CCDC12: variants seen among roughly 807,000 people sequenced by gnomAD.
CCDC12 encodes the protein coiled-coil domain-containing protein 12.
CCDC12 carries 28 observed loss-of-function variants against 25.7 expected under a neutral mutation model. That is an observed-to-expected ratio of 1.09 (90% CI 0.81 to 1.50). The LOEUF (loss-of-function observed/expected upper bound fraction) is 1.50, where lower values mean the gene tolerates loss of function less well. Ranked by LOEUF, CCDC12 falls within the 40% of genes most tolerant of loss-of-function variation. CCDC12 has a pLI of 0.00. For missense variants in CCDC12, 198 were observed against 210.0 expected, an observed-to-expected ratio of 0.94 and a Z score of 0.35; for synonymous variants, 75 against 87.7, an observed-to-expected ratio of 0.86 and a Z score of 0.81.
chr3:46,974,495 G>A (rs1459060853), intron 1 of CCDC12, among the ~76,000 whole-genome samples: 2 of 152,124 alleles, frequency 1.3e-5, no homozygotes, highest in Admixed American at 6.5e-5. Context: ...CTAAATCCAA[G>A]CGAACAGCTC....
intron 2 of CCDC12, among the ~76,000 whole-genome samples, chr3:46,938,211 G>C (rs1257685833): frequency 6.6e-6 from 1 of 152,086 alleles, no homozygotes; most frequent in Non-Finnish European, 1.5e-5. Flanking sequence ...ACAAAACAGG[G>C]CCCTGCACCT....
chr3:46,965,655 T>C (rs2034615608), intron 1 of CCDC12, among the ~76,000 whole-genome samples: 1 of 152,192 alleles, frequency 6.6e-6, no homozygotes, highest in Admixed American at 6.5e-5. Context: ...GCACCAATTC[T>C]ATCCCAGAGG....
chr3:46,981,984 G>C (rs943362127), exon 1 of CCDC12: 2 of 152,358 alleles, frequency 1.3e-5, no homozygotes, highest in African/African-American at 4.8e-5. Flanking sequence ...TTGGAAGCCT[G>C]AGCAGACAGT....
At chr3:46,976,456 T>C in intron 1 of CCDC12, 181 bp downstream of exon 1, 2 of 1,415,788 alleles carry the variant, frequency 1.4e-6, no homozygotes, top group East Asian at 2.6e-5. Flanking sequence ...GCCAGAGGAG[T>C]CCCACGCCAA....
chr3:46,975,497 G>A, intron 1 of CCDC12, among the ~76,000 whole-genome samples: 1 of 149,022 alleles, frequency 6.7e-6, no homozygotes, highest in East Asian at 2.0e-4. Flanking sequence ...AATTTCTAAG[G>A]CCCACCCTTA....
intron 3 of CCDC12, 183 bp downstream of exon 3, chr3:46,925,273 C>G: frequency 1.4e-6 from 1 of 710,578 alleles, no homozygotes; most frequent in Non-Finnish European, 2.6e-6. Flanking sequence ...AGTGCCCCGA[C>G]AGCCTCTGCT....
At chr3:46,977,552 C>T (rs183450935), upstream of CCDC12, among the ~76,000 whole-genome samples, 149 of 151,980 alleles carry the variant, frequency 9.8e-4, no homozygotes, top group African/African-American at 3.3e-3. Flanking sequence ...ACTTACACCT[C>T]TGCAGCTGTC....
intron 1 of CCDC12, among the ~76,000 whole-genome samples, chr3:46,951,798 A>AAAAAAAAAAAAAAAAAAATATATATAT: frequency 1.2e-4 from 1 of 8,466 alleles, no homozygotes; most frequent in Non-Finnish European, 2.8e-4. Context: ...AAAAAAAAAA[A>AAAAAAAAAAAAAAAAAAATATATATAT]ATATATATAT....
At chr3:46,937,602 G>A (rs1432899312) in intron 2 of CCDC12, among the ~76,000 whole-genome samples, 1 of 152,210 alleles carries the variant, frequency 6.6e-6, no homozygotes, top group Non-Finnish European at 1.5e-5. Flanking sequence ...CTGTAGCAGG[G>A]GCTATGGCCT....
intron 1 of CCDC12, among the ~76,000 whole-genome samples, chr3:46,975,393 C>G (rs1271549302): frequency 1.3e-5 from 2 of 152,172 alleles, no homozygotes; most frequent in African/African-American, 4.8e-5. Context: ...CCATGTTGAT[C>G]AGGCTGATCT....
chr3:46,923,415 G>A (rs769208747), intron 4 of CCDC12, 52 bp from the exon 5 acceptor site: 33 of 1,557,120 alleles, frequency 2.1e-5, no homozygotes, highest in Non-Finnish European at 7.8e-6. Context: ...CCAGGACAAG[G>A]GGGAGGGCAG....
intron 1 of CCDC12, among the ~76,000 whole-genome samples, chr3:46,964,331 G>C (rs1013906284): frequency 6.7e-6 from 1 of 148,556 alleles, no homozygotes; most frequent in African/African-American, 2.5e-5. Context: ...GGAGGGAGGT[G>C]GGGGGTCAGC....
chr3:46,936,058 A>C (rs2033428861), intron 2 of CCDC12, among the ~76,000 whole-genome samples: 1 of 152,176 alleles, frequency 6.6e-6, no homozygotes, highest in Admixed American at 6.5e-5. Context: ...GCTCTTCAAG[A>C]TGGCTGGTGA....
In CCDC12 at chr3:46,951,109, T is replaced by C. The variant is rs529205221; in HGVS notation, c.97-10044A>G. Among the ~76,000 whole-genome samples the C allele has an allele frequency of 1.7e-4, 26 of 151,936 alleles. 1 individual carries two copies. Among genetic ancestry groups the C allele is most frequent in the Admixed American group, 9.2e-4 (14 of 15,264 alleles). Reference sequence around the variant, plus strand: ...TAACTGAACTACTGCACTCCAGCCTTGGCAACAGAGTGAGACTCGTATCTC... The same window carrying C: ...TAACTGAACTACTGCACTCCAGCCTCGGCAACAGAGTGAGACTCGTATCTC... On this transcript the variant is annotated intron_variant, in intron 1 of 6. Coordinates refer to ENST00000683445, the MANE Select transcript of CCDC12 (RefSeq NM_001277074.2).
intron 1 of CCDC12, among the ~76,000 whole-genome samples, chr3:46,974,614 T>C (rs1047182720): frequency 6.6e-6 from 1 of 152,188 alleles, no homozygotes; most frequent in Non-Finnish European, 1.5e-5. Context: ...CAGAAGCCAC[T>C]CTAGCCAGCT....
chr3:46,971,341 C>T (rs1000884109), intron 1 of CCDC12, among the ~76,000 whole-genome samples: 1 of 152,364 alleles, frequency 6.6e-6, no homozygotes, highest in East Asian at 1.9e-4. Context: ...GTGTCCTCTA[C>T]AGAATCCCCT....
upstream of CCDC12, among the ~76,000 whole-genome samples, chr3:46,978,405 C>A (rs953690224): frequency 6.6e-6 from 1 of 152,110 alleles, no homozygotes; most frequent in Non-Finnish European, 1.5e-5. Context: ...TAGGAGTCTC[C>A]AGACTGGTCA....
At chr3:46,971,696 T>C (rs1009951477) in intron 1 of CCDC12, among the ~76,000 whole-genome samples, 1 of 152,188 alleles carries the variant, frequency 6.6e-6, no homozygotes, top group East Asian at 1.9e-4. Flanking sequence ...ACCAACTCCA[T>C]GCCTGAAATT....
chr3:46,969,093 T>C (rs956241334), intron 1 of CCDC12, among the ~76,000 whole-genome samples: 1 of 152,118 alleles, frequency 6.6e-6, no homozygotes, highest in Non-Finnish European at 1.5e-5. Flanking sequence ...TCTTGAGACA[T>C]GATCAGGACA....
Sources: allele counts gnomAD v4.1 joint callset (sites outside exome capture counted in the v4.1 genomes callset), GRCh38; gene constraint gnomAD v4.1.1; transcripts MANE v1.5; gene names NCBI Gene and HGNC (gene_info 2026-07-23, HGNC 2026-07-21).